The following ADGRL1 variants were observed in gnomAD, a reference collection of about 807,000 sequenced individuals.
ADGRL1 encodes the protein CIRL-1.
ADGRL1 carries 31 observed loss-of-function variants against 148.9 expected under a neutral mutation model. The ratio of observed to expected loss-of-function variants is 0.21; its 90% CI spans 0.16 to 0.28. ADGRL1 has a LOEUF of 0.28. Among genes scored for constraint, ADGRL1 ranks in the 10% least tolerant of loss-of-function variants. The pLI is 1.00. For synonymous variants in ADGRL1, 937 were observed against 900.3 expected (o/e 1.04, Z -0.73); for missense variants, 1,521 against 2,058.8 (o/e 0.74, Z 5.05).
At chr19:14,200,761 G>A (rs3981185) in intron 1 of ADGRL1, among the ~76,000 whole-genome samples, 11 of 152,142 alleles carry the variant, frequency 7.2e-5, no homozygotes, top group Admixed American at 2.0e-4. Flanking sequence ...ACAGGCGTGC[G>A]GCACCATGCC....
chr19:14,149,059 G>C lies in ADGRL1; in HGVS notation c.*1814C>G, dbSNP rs992410993. On this transcript the variant is annotated 3_prime_UTR_variant, in exon 23 of 23. Transcript: ENST00000361434. ...GAGAGGTCAGAGCAGAGGTGGAGGG[G>C]CCACCTCTGGGGAAACGGCAATGCA... 1 of 152,652 alleles carries C rather than the reference G, an allele frequency of 6.6e-6. No homozygotes were observed. Among genetic ancestry groups the C allele is most frequent in the African/African-American group, 2.4e-5 (1 of 41,418 alleles). The allele number at this position is 152,652 out of a possible 1,614,324, so 9.5% of individuals were successfully genotyped here. A position where few individuals can be genotyped will look rare whatever the true frequency, so the allele number is the denominator to read the frequency against.
intron 1 of ADGRL1, among the ~76,000 whole-genome samples, chr19:14,186,083 G>A (rs369639635): frequency 6.6e-6 from 1 of 152,112 alleles, no homozygotes; most frequent in African/African-American, 2.4e-5. Context: ...TTTAGAGATA[G>A]GGTCTTGCTC....
At chr19:14,178,884 A>G (rs1439576139) in intron 2 of ADGRL1, among the ~76,000 whole-genome samples, 1 of 152,066 alleles carries the variant, frequency 6.6e-6, no homozygotes, top group East Asian at 1.9e-4. Context: ...GCGGCCATCT[A>G]TCTATAAGCC....
chr19:14,201,325 G>GC (rs552719407), intron 1 of ADGRL1, among the ~76,000 whole-genome samples: 2 of 143,984 alleles, frequency 1.4e-5, no homozygotes, highest in African/African-American at 2.6e-5. Context: ...GGCGGGGTGG[G>GC]GGGGGGCAAG....
intron 2 of ADGRL1, among the ~76,000 whole-genome samples, chr19:14,183,293 C>T (rs1971350033): frequency 6.6e-6 from 1 of 151,856 alleles, no homozygotes; most frequent in Non-Finnish European, 1.5e-5. Context: ...AGCGGGATGG[C>T]CCCTACCAAC....
chr19:14,193,291 A>C (rs1264728238), intron 1 of ADGRL1, among the ~76,000 whole-genome samples: 4 of 151,176 alleles, frequency 2.6e-5, no homozygotes, highest in African/African-American at 7.3e-5. Flanking sequence ...AAAAAAAAAA[A>C]AACTCAGGCT....
chr19:14,191,044 C>T lies in ADGRL1; in HGVS notation c.-95-7347G>A, dbSNP rs563812826. The T allele has an allele frequency of 1.9e-3, 847 of 435,330 alleles. 5 individuals are homozygous for T. Among genetic ancestry groups the T allele is most frequent in the South Asian group, 3.2e-3 (201 of 62,846 alleles). 27.0% of individuals were successfully genotyped at this position (435,330 alleles called of 1,614,324 possible). On this transcript the variant is annotated intron_variant, in intron 1 of 22. Transcript: ENST00000361434. Reference sequence around the variant, plus strand: ...CAGAGGTTGCGGTGAGCCAAGATCACGCCACCGACTCTAGCCTGGCCGACA... The same window carrying T: ...CAGAGGTTGCGGTGAGCCAAGATCATGCCACCGACTCTAGCCTGGCCGACA...
chr19:14,191,001 T>C (rs766240187), intron 1 of ADGRL1: 17 of 422,454 alleles, frequency 4.0e-5, no homozygotes, highest in South Asian at 2.6e-4. Flanking sequence ...GGTAGGAGAA[T>C]TGCTTGAACC....
Position 14,160,847 on chromosome 19 carries a change from G to A in ADGRL1, c.1511-151C>T, listed in dbSNP as rs911077925. On this transcript the variant is annotated intron_variant, in intron 6 of 22. Transcript: ENST00000361434. The surrounding 1 kb of genome is among the most constrained non-coding windows in gnomAD (Gnocchi z 5.9). ...ACACGGAGAAACAGACATGAAGCGG[G>A]CTGGACAGTCGAAAGAGGCGCCACT... 1.0e-5 allele frequency: 7 copies of A among 672,072 alleles called. No homozygotes were observed. Among genetic ancestry groups the A allele is most frequent in the African/African-American group, 5.3e-5 (3 of 56,422 alleles). The allele number at this position is 672,072 out of a possible 1,614,324, so 41.6% of individuals were successfully genotyped here.
intron 3 of ADGRL1, among the ~76,000 whole-genome samples, chr19:14,171,851 T>C (rs1209373177): frequency 6.6e-6 from 1 of 152,232 alleles, no homozygotes; most frequent in Non-Finnish European, 1.5e-5. Flanking sequence ...TCATCTGCTG[T>C]CTGTCCCCAC....
Position 14,162,595 on chromosome 19 carries a change from G to A in ADGRL1, c.1195+11C>T. On this transcript the variant is annotated intron_variant, in intron 5 of 22. Transcript: ENST00000361434. This position sits in a 1 kb window ranked among gnomAD's most constrained non-coding sequence, Gnocchi z 5.4. The stretch of plus-strand genomic sequence containing the variant: ...AAGCAGGCTCCATGCCTGGAAGTGA[G>A]TCGTCCTCACCAGCACTGGGGTCGG... The A allele has an allele frequency of 6.3e-7, 1 of 1,590,824 alleles. No homozygotes were observed.
Position 14,155,573 on chromosome 19 carries a change from C to A in ADGRL1, c.3126-46G>T. On this transcript the variant is annotated intron_variant, in intron 17 of 22. Transcript: ENST00000361434. This position sits in a 1 kb window ranked among gnomAD's most constrained non-coding sequence, Gnocchi z 5.0. ...GAGTCAAAGTACCCGCCGGAGGGGA[C>A]GGCCTCAGCCCAGGCCTCCCCTGCA... The A allele has an allele frequency of 6.3e-7, 1 of 1,597,672 alleles. No individual in the cohort carries two copies.
intron 12 of ADGRL1, 70 bp downstream of exon 12, chr19:14,158,268 G>T: frequency 6.8e-7 from 1 of 1,480,914 alleles, no homozygotes. Context: ...ACATGGAGGG[G>T]CAGGTACACA....
At chr19:14,163,503 G>GA (rs552613182) in intron 4 of ADGRL1, 97 bp from the exon 5 acceptor site, 10,427 of 808,312 alleles carry the variant, frequency 0.013, 85 homozygotes, top group South Asian at 0.051. Flanking sequence ...AGAGAGGGGG[G>GA]AGAGAGGCAA....
At chr19:14,177,103 G>A (rs1319855196) in intron 3 of ADGRL1, among the ~76,000 whole-genome samples, 1 of 151,968 alleles carries the variant, frequency 6.6e-6, no homozygotes, top group African/African-American at 2.4e-5. Flanking sequence ...GGTGGCGTGC[G>A]CCTATAATCC....
chr19:14,158,993 C>T, intron 11 of ADGRL1, 97 bp downstream of exon 11: 1 of 1,462,660 alleles, frequency 6.8e-7, no homozygotes, highest in East Asian at 2.3e-5. Flanking sequence ...AAGGTCAGCA[C>T]CGCTGCCCTC....
intron 1 of ADGRL1, among the ~76,000 whole-genome samples, chr19:14,201,261 T>C (rs1972582827): frequency 6.7e-6 from 1 of 148,952 alleles, no homozygotes; most frequent in African/African-American, 2.5e-5. Flanking sequence ...AGGGTATTTT[T>C]AGCCTCTGAG....
At chr19:14,174,684 C>T (rs906772934) in intron 3 of ADGRL1, among the ~76,000 whole-genome samples, 3 of 151,538 alleles carry the variant, frequency 2.0e-5, no homozygotes, top group Admixed American at 1.3e-4. Flanking sequence ...TACAGGCTCA[C>T]ACCACCGTAT....
chr19:14,158,173 G>A, intron 12 of ADGRL1, 121 bp from the exon 13 acceptor site: 1 of 1,253,034 alleles, frequency 8.0e-7, no homozygotes, highest in Non-Finnish European at 1.1e-6. Flanking sequence ...GGGGTCTGGG[G>A]CTCCAGTTGA....
Sources: gnomAD v4.1 joint callset for allele counts (sites outside exome capture counted in the v4.1 genomes callset) on GRCh38, gnomAD v4.1.1 for gene constraint, Gnocchi (gnomAD v3.1) non-coding constraint, MANE v1.5 for transcripts, NCBI Gene and HGNC (gene_info 2026-07-23, HGNC 2026-07-21) for gene names.